Variants in TMTC1 observed in about 807,000 individuals in gnomAD.
TMTC1 encodes the protein protein O-mannosyl-transferase TMTC1.
In TMTC1, 73 loss-of-function variants were observed where a neutral mutation model predicts 104.8. The observed-to-expected ratio is 0.70, with a 90% CI of 0.58 to 0.85. The LOEUF is 0.85. TMTC1 is among the 40% of genes least tolerant of loss of function. The pLI is 0.00. For missense variants in TMTC1, 1,035 were observed against 1,096.1 expected (o/e 0.94, Z 0.79); for synonymous variants, 434 against 428.7 (o/e 1.01, Z -0.15).
At chr12:29,608,487 T>G (rs965853436) in intron 6 of TMTC1, among the ~76,000 whole-genome samples, 3 of 152,314 alleles carry the variant, frequency 2.0e-5, no homozygotes, top group African/African-American at 7.2e-5. Flanking sequence ...ACACAGCCAT[T>G]ATAATACATG....
At chr12:29,518,426 G>T in intron 13 of TMTC1, 46 bp downstream of exon 13, 1 of 1,594,608 alleles carries the variant, frequency 6.3e-7, no homozygotes, top group Non-Finnish European at 8.6e-7. Flanking sequence ...ATGAGTGATT[G>T]CTGAGGTTCC....
intron 9 of TMTC1, among the ~76,000 whole-genome samples, chr12:29,571,651 T>C (rs1407329907): frequency 1.3e-5 from 2 of 151,632 alleles, no homozygotes; most frequent in Non-Finnish European, 2.9e-5. Context: ...CTTATCATTT[T>C]TTTTCTATTT....
chr12:29,647,407 C>T (rs1939315073), intron 5 of TMTC1, among the ~76,000 whole-genome samples: 1 of 152,198 alleles, frequency 6.6e-6, no homozygotes, highest in Non-Finnish European at 1.5e-5. Context: ...TCATTTTGCA[C>T]AGCTCTCTTT....
intron 5 of TMTC1, among the ~76,000 whole-genome samples, chr12:29,637,385 A>C (rs1450700708): frequency 3.3e-5 from 5 of 152,230 alleles, no homozygotes; most frequent in Non-Finnish European, 7.3e-5. Flanking sequence ...AACCAAAATG[A>C]ATTATTTACC....
chr12:29,597,390 C>G (rs1343962614), intron 7 of TMTC1, among the ~76,000 whole-genome samples: 9 of 151,864 alleles, frequency 5.9e-5, no homozygotes, highest in African/African-American at 1.7e-4. Flanking sequence ...ATGTGAACGT[C>G]TACGCATCAC....
chr12:29,733,143 A>C (rs1012803082), intron 5 of TMTC1, among the ~76,000 whole-genome samples: 1 of 152,230 alleles, frequency 6.6e-6, no homozygotes, highest in African/African-American at 2.4e-5. Flanking sequence ...TGAGATGTCA[A>C]GCCCTGGGCA....
intron 6 of TMTC1, among the ~76,000 whole-genome samples, chr12:29,630,796 A>C (rs550908075): frequency 2.4e-4 from 36 of 152,294 alleles, no homozygotes; most frequent in African/African-American, 7.9e-4. Context: ...AGATAGGTAG[A>C]GCTGTTTAAT....
At chr12:29,723,833 G>C (rs1474625322) in intron 5 of TMTC1, among the ~76,000 whole-genome samples, 2 of 152,090 alleles carry the variant, frequency 1.3e-5, no homozygotes, top group Admixed American at 6.6e-5. Flanking sequence ...GAGCTTCAGT[G>C]AATCATACTG....
At chr12:29,736,433 T>C (rs1942676155) in intron 5 of TMTC1, among the ~76,000 whole-genome samples, 1 of 152,178 alleles carries the variant, frequency 6.6e-6, no homozygotes, top group East Asian at 1.9e-4. Flanking sequence ...CTCTCTCTTT[T>C]TTTTAAGACA....
At chr12:29,626,016 G>A (rs1217152854) in intron 6 of TMTC1, among the ~76,000 whole-genome samples, 1 of 152,142 alleles carries the variant, frequency 6.6e-6, no homozygotes, top group Admixed American at 6.5e-5. Context: ...TTAGATATAT[G>A]TCTTACAAGA....
chr12:29,711,136 C>T (rs754913), intron 5 of TMTC1, among the ~76,000 whole-genome samples: 1 of 151,298 alleles, frequency 6.6e-6, no homozygotes, highest in Non-Finnish European at 1.5e-5. Context: ...GCATGCACCA[C>T]CATGCCTGGG....
chr12:29,608,825 G>A (rs1056516858), intron 6 of TMTC1, among the ~76,000 whole-genome samples: 1 of 152,104 alleles, frequency 6.6e-6, no homozygotes, highest in African/African-American at 2.4e-5. Flanking sequence ...TTTTCTCAGA[G>A]CCGTAAATTG....
intron 5 of TMTC1, among the ~76,000 whole-genome samples, chr12:29,733,029 G>A (rs547326213): frequency 6.6e-6 from 1 of 152,260 alleles, no homozygotes; most frequent in East Asian, 1.9e-4. Flanking sequence ...AGTGAACGTG[G>A]ACTTGGCTCA....
intron 14 of TMTC1, 34 bp downstream of exon 14, chr12:29,517,393 G>A: frequency 1.2e-6 from 2 of 1,612,964 alleles, no homozygotes; most frequent in African/African-American, 2.7e-5. Flanking sequence ...CCTGTGCTTA[G>A]GTTGCCAGCT....
At chr12:29,609,260 G>A (rs1274585178) in intron 6 of TMTC1, among the ~76,000 whole-genome samples, 1 of 152,118 alleles carries the variant, frequency 6.6e-6, no homozygotes, top group African/African-American at 2.4e-5. Flanking sequence ...CTAGCTGTCT[G>A]CCTCCAATTT....
At chr12:29,585,700 T>A (rs920597303) in intron 7 of TMTC1, among the ~76,000 whole-genome samples, 1 of 152,202 alleles carries the variant, frequency 6.6e-6, no homozygotes, top group African/African-American at 2.4e-5. Context: ...AAATAGGGAA[T>A]CCTTTCCCCA....
intron 6 of TMTC1, among the ~76,000 whole-genome samples, chr12:29,606,487 T>A (rs1413631425): frequency 6.6e-6 from 1 of 152,246 alleles, no homozygotes; most frequent in African/African-American, 2.4e-5. Context: ...TATTGGGTAG[T>A]AAGTTGCTAT....
At chr12:29,558,843 T>A (rs1372511835) in intron 9 of TMTC1, among the ~76,000 whole-genome samples, 1 of 152,218 alleles carries the variant, frequency 6.6e-6, no homozygotes, top group Non-Finnish European at 1.5e-5. Context: ...GATATGAGGC[T>A]ATGATGAGGG....
intron 5 of TMTC1, chr12:29,661,028 G>T (rs1284923625): frequency 5.3e-6 from 2 of 380,630 alleles, no homozygotes; most frequent in East Asian, 9.8e-5. Context: ...GAACACCTGG[G>T]TTTCCGTTCC....
Sources: allele counts gnomAD v4.1 joint callset (sites outside exome capture counted in the v4.1 genomes callset), GRCh38; gene constraint gnomAD v4.1.1; transcripts MANE v1.5; gene names NCBI Gene and HGNC (gene_info 2026-07-23, HGNC 2026-07-21).